The following TNFRSF11A variants were observed in gnomAD, a reference collection of about 807,000 sequenced individuals.
TNFRSF11A encodes TNF receptor superfamily member 11a, also known as tumor necrosis factor receptor superfamily member 11A.
In TNFRSF11A, 32 loss-of-function variants were observed where a neutral mutation model predicts 55.7. The observed-to-expected ratio is 0.57, with a 90% CI of 0.43 to 0.77. The LOEUF (loss-of-function observed/expected upper bound fraction) is 0.77. Ranked by LOEUF, TNFRSF11A falls within the 30% of genes least tolerant of loss-of-function variation. TNFRSF11A has a pLI of 0.00. For synonymous variants in TNFRSF11A, 311 were observed against 331.0 expected (o/e 0.94, Z 0.65); for missense variants, 753 against 809.8 (o/e 0.93, Z 0.85).
At position 62,368,710 on chromosome 18, in the gene TNFRSF11A, G is replaced by A. The variant is rs1249788220; in HGVS notation, c.793G>A (p.Gly265Ser). Residue 265 changes from glycine (G) to serine (S), a missense_variant, in exon 9 of 10, where the codon GGT (glycine) becomes AGT (serine). Physicochemically the swap from Gly to Ser is moderately conservative, Grantham distance 56. Around this residue, in one of 3 missense-constraint regions of TNFRSF11A, gnomAD observed 567 missense variants for 596.7 expected, o/e 0.95. Coordinates refer to ENST00000586569, the MANE Select transcript of TNFRSF11A (RefSeq NM_003839.4). Reference sequence around the variant, plus strand: ...GAATGTAAATCGGCAGGAGTCCTCAGGTGACAGTTGTGTCAGTACACACAC... The same window carrying A: ...GAATGTAAATCGGCAGGAGTCCTCAAGTGACAGTTGTGTCAGTACACACAC... ...GRLSGDKESS[G>S]DSCVSTHTAN... 6.8e-6 allele frequency: 11 copies of A among 1,614,230 alleles called. No homozygotes were observed. Among genetic ancestry groups the A allele is most frequent in the Non-Finnish European group, 9.3e-6 (11 of 1,180,040 alleles).
At chr18:62,368,520 ATTCTAGAG>A (rs1910264668) in intron 8 of TNFRSF11A, among the ~76,000 whole-genome samples, 173 bp from the exon 9 acceptor site, 1 of 152,236 alleles carries the variant, frequency 6.6e-6, no homozygotes, top group East Asian at 1.9e-4. Context: ...GTTGTATTCC[ATTCTAGAG>A]TTCTCCTGCA....
intron 7 of TNFRSF11A, among the ~76,000 whole-genome samples, chr18:62,364,231 C>G (rs1467209056): frequency 6.6e-6 from 1 of 152,188 alleles, no homozygotes; most frequent in East Asian, 1.9e-4. Context: ...CACAGGCATT[C>G]TATCGTGAGA....
At chr18:62,349,679 G>T in intron 2 of TNFRSF11A, 133 bp from the exon 3 acceptor site, 1 of 1,003,916 alleles carries the variant, frequency 1.0e-6, no homozygotes, top group Non-Finnish European at 1.5e-6. Context: ...GTCTTTGGGG[G>T]GTGTCCTGGG....
intron 1 of TNFRSF11A, among the ~76,000 whole-genome samples, chr18:62,336,967 G>A (rs1195891150): frequency 6.6e-6 from 1 of 152,212 alleles, no homozygotes; most frequent in East Asian, 1.9e-4. Flanking sequence ...GCCTGAGTCA[G>A]TGCTGTGCGC....
Position 62,386,791 on chromosome 18 carries a change from T to G in TNFRSF11A, c.*1757T>G, listed in dbSNP as rs2145411378. ...GAGAAGCACAGGACAGTTCTGTAAT[T>G]TATGGGACTCCTTAGCCAACATAAA... On this transcript the variant is annotated 3_prime_UTR_variant, in exon 10 of 10. Coordinates refer to ENST00000586569, the MANE Select transcript of TNFRSF11A (RefSeq NM_003839.4). The G allele has an allele frequency of 6.6e-6, 1 of 152,292 alleles. No individual in the cohort carries two copies. Among genetic ancestry groups the G allele is most frequent in the Admixed American group, 6.5e-5 (1 of 15,300 alleles). 9.4% of individuals were successfully genotyped at this position (152,292 alleles called of 1,614,324 possible).
chr18:62,350,495 T>C (rs2038652580), intron 3 of TNFRSF11A, among the ~76,000 whole-genome samples: 2 of 152,112 alleles, frequency 1.3e-5, no homozygotes, highest in South Asian at 2.1e-4. Context: ...GGTTTCACCA[T>C]GTTAGCCAGG....
At chr18:62,336,196 C>T (rs2046230147) in intron 1 of TNFRSF11A, 1 of 152,242 alleles carries the variant, frequency 6.6e-6, no homozygotes, top group Non-Finnish European at 1.5e-5. Flanking sequence ...TCAATAAAAT[C>T]TCTAGCCTGC....
chr18:62,385,348 G>A lies in TNFRSF11A; in HGVS notation c.*314G>A, dbSNP rs1193341267. ...TTTATGACTATCCTGTTCTGTGGGGGGGGGGGTCTGTTTTCCCCCCATATT... is the reference window on the plus strand; with the variant it reads ...TTTATGACTATCCTGTTCTGTGGGGAGGGGGGTCTGTTTTCCCCCCATATT... On this transcript the variant is annotated 3_prime_UTR_variant, in exon 10 of 10. Transcript: ENST00000586569. The A allele has an allele frequency of 4.2e-6, 1 of 240,834 alleles. No homozygotes were observed. Among genetic ancestry groups the A allele is most frequent in the Non-Finnish European group, 8.1e-6 (1 of 123,950 alleles). 14.9% of individuals were successfully genotyped at this position (240,834 alleles called of 1,614,324 possible).
At chr18:62,346,564 C>G (rs866521974) in intron 1 of TNFRSF11A, among the ~76,000 whole-genome samples, 1 of 152,308 alleles carries the variant, frequency 6.6e-6, no homozygotes, top group South Asian at 2.1e-4. Flanking sequence ...TAGCAGGGCC[C>G]AGGAAGCAAG....
intron 1 of TNFRSF11A, chr18:62,336,462 G>A (rs7504969): frequency 0.15 from 23,065 of 152,272 alleles, 2,376 homozygotes; most frequent in Middle Eastern, 0.27. Flanking sequence ...CCAGCATGGA[G>A]GCAGAGCCTA....
intron 3 of TNFRSF11A, among the ~76,000 whole-genome samples, chr18:62,352,362 A>G (rs760717352): frequency 5.3e-5 from 8 of 152,228 alleles, no homozygotes; most frequent in Non-Finnish European, 1.0e-4. Context: ...GAATTAGAGA[A>G]TAAGTGTTTC....
At chr18:62,333,870 C>CTT (rs35961943) in intron 1 of TNFRSF11A, among the ~76,000 whole-genome samples, 84 of 148,258 alleles carry the variant, frequency 5.7e-4, no homozygotes, top group African/African-American at 1.1e-3. Context: ...CTTTCTAGAA[C>CTT]TTTTTTTTTT....
Position 62,388,302 on chromosome 18 carries a change from C to T in TNFRSF11A, c.*3268C>T, listed in dbSNP as rs982107689. 8 of 152,154 alleles carry T rather than the reference C, an allele frequency of 5.3e-5. No homozygotes were observed. The highest frequency in any genetic ancestry group is 1.9e-4 in the African/African-American group (8 of 41,428). 9.4% of individuals were successfully genotyped at this position (152,154 alleles called of 1,614,324 possible). On this transcript the variant is annotated 3_prime_UTR_variant, in exon 10 of 10. Transcript: ENST00000586569. ...GGCATGCTCTCATGGTGGTGTCGAGCCTGAGAACAAGCAGAAACCTGCCAG... is the reference window on the plus strand; with the variant it reads ...GGCATGCTCTCATGGTGGTGTCGAGTCTGAGAACAAGCAGAAACCTGCCAG...
intron 5 of TNFRSF11A, among the ~76,000 whole-genome samples, chr18:62,359,617 A>C (rs1909522070): frequency 6.6e-6 from 1 of 152,138 alleles, no homozygotes; most frequent in South Asian, 2.1e-4. Flanking sequence ...GGGCTCAAGC[A>C]ATCTTCTTGC....
In TNFRSF11A at chr18:62,339,464, G is replaced by A. The variant is rs773522092; in HGVS notation, c.76-8704G>A. Among the ~76,000 whole-genome samples, 100 of 150,366 alleles carry A rather than the reference G, an allele frequency of 6.7e-4. 2 individuals are homozygous for A. The highest frequency in any genetic ancestry group is 6.6e-3 in the Admixed American group (98 of 14,892). On this transcript the variant is annotated intron_variant, in intron 1 of 9. Transcript: ENST00000586569. ...GCCAGGGTTGCAATTCTCCTTCCTCGTCCACGATCAGGGAGGATCTTTCCA... is the reference window on the plus strand; with the variant it reads ...GCCAGGGTTGCAATTCTCCTTCCTCATCCACGATCAGGGAGGATCTTTCCA...
intron 1 of TNFRSF11A, among the ~76,000 whole-genome samples, chr18:62,347,601 CTG>C (rs2046402312): frequency 2.0e-5 from 3 of 152,150 alleles, no homozygotes; most frequent in Non-Finnish European, 2.9e-5. Context: ...TTAAAATTCT[CTG>C]TGTGTTTAAC....
intron 1 of TNFRSF11A, among the ~76,000 whole-genome samples, chr18:62,343,301 G>A (rs1245382018): frequency 1.3e-5 from 2 of 152,190 alleles, no homozygotes; most frequent in African/African-American, 4.8e-5. Flanking sequence ...TTTGACAAGA[G>A]GGGCCAAGCC....
At chr18:62,363,692 C>G (rs908167730) in intron 7 of TNFRSF11A, among the ~76,000 whole-genome samples, 2 of 152,128 alleles carry the variant, frequency 1.3e-5, no homozygotes, top group Non-Finnish European at 2.9e-5. Flanking sequence ...CTTAAAGAGT[C>G]TGTTCATTGT....
chr18:62,379,370 C>A (rs1432299937), intron 9 of TNFRSF11A, among the ~76,000 whole-genome samples: 1 of 152,166 alleles, frequency 6.6e-6, no homozygotes. Context: ...GCTGAATGGC[C>A]ATGTTTTCTA....
Sources: allele counts gnomAD v4.1 joint callset (sites outside exome capture counted in the v4.1 genomes callset), GRCh38; gene constraint gnomAD v4.1.1; regional missense constraint gnomAD v4.1.1; transcripts MANE v1.5; gene names NCBI Gene and HGNC (gene_info 2026-07-23, HGNC 2026-07-21).